Variants in LRRTM4 observed in about 807,000 individuals in gnomAD.
LRRTM4 encodes the protein leucine rich repeat transmembrane neuronal 4.
In LRRTM4, 25 loss-of-function variants were observed where a neutral mutation model predicts 47.6. The observed-to-expected ratio is 0.53, with a 90% confidence interval of 0.38 to 0.73. The LOEUF (loss-of-function observed/expected upper bound fraction) is 0.73. LRRTM4 is among the 30% of genes least tolerant of loss of function. The probability of loss-of-function intolerance (pLI) is 0.00; values close to 1 mark genes in which losing one functional copy is unlikely to be tolerated. For missense variants in LRRTM4, 638 were observed against 713.4 expected, an observed-to-expected ratio of 0.89 and a Z score of 1.20; for synonymous variants, 311 against 269.5, an observed-to-expected ratio of 1.15 and a Z score of -1.51.
chr2:77,504,048 T>A (rs565116168), intron 3 of LRRTM4, among the ~76,000 whole-genome samples: 2 of 151,658 alleles, frequency 1.3e-5, no homozygotes, highest in South Asian at 4.1e-4. Flanking sequence ...GGAAGTATAA[T>A]ACAGAGCAGT....
intron 3 of LRRTM4, among the ~76,000 whole-genome samples, chr2:76,841,663 A>AG (rs1671686584): frequency 6.7e-6 from 1 of 148,350 alleles, no homozygotes; most frequent in Non-Finnish European, 1.5e-5. Context: ...GGTAACCTGG[A>AG]GAAAAAAAAA....
intron 3 of LRRTM4, among the ~76,000 whole-genome samples, chr2:77,002,491 C>T (rs1273097341): frequency 6.6e-6 from 1 of 152,180 alleles, no homozygotes; most frequent in Admixed American, 6.6e-5. Flanking sequence ...CCTAATCTGA[C>T]ACCATTGTTA....
chr2:76,799,674 G>A (rs200851116), intron 3 of LRRTM4, among the ~76,000 whole-genome samples: 31,334 of 102,568 alleles, frequency 0.31, 6,103 homozygotes, highest in East Asian at 0.53. Context: ...CCCTGTTTGC[G>A]GATGACATGA....
At chr2:76,786,106 ACTTCAG>A (rs1396445283) in intron 3 of LRRTM4, among the ~76,000 whole-genome samples, 8 of 152,130 alleles carry the variant, frequency 5.3e-5, no homozygotes, top group African/African-American at 1.9e-4. Context: ...CCTCACCTCA[ACTTCAG>A]CTTCATCTGG....
chr2:76,931,253 A>G (rs999075404), intron 3 of LRRTM4, among the ~76,000 whole-genome samples: 1 of 152,212 alleles, frequency 6.6e-6, no homozygotes, highest in Non-Finnish European at 1.5e-5. Flanking sequence ...AACAGAAGTG[A>G]TTATTTACAT....
intron 3 of LRRTM4, among the ~76,000 whole-genome samples, chr2:76,800,142 C>T (rs1400079631): frequency 1.4e-5 from 2 of 148,114 alleles, no homozygotes; most frequent in African/African-American, 2.5e-5. Context: ...CCCGCATCGC[C>T]AAGTCAATCC....
chr2:76,869,074 G>A (rs764187743), intron 3 of LRRTM4, among the ~76,000 whole-genome samples: 3 of 152,114 alleles, frequency 2.0e-5, no homozygotes, highest in Non-Finnish European at 2.9e-5. Flanking sequence ...ACTTTGGGAG[G>A]CCGAGGTGAG....
intron 3 of LRRTM4, among the ~76,000 whole-genome samples, chr2:77,184,208 A>T (rs1173783895): frequency 6.6e-6 from 1 of 152,142 alleles, no homozygotes. Context: ...AAATATATGA[A>T]AACATATTAA....
intron 3 of LRRTM4, among the ~76,000 whole-genome samples, chr2:77,094,403 T>C (rs942578805): frequency 1.4e-4 from 21 of 152,042 alleles, no homozygotes; most frequent in Non-Finnish European, 2.6e-4. Flanking sequence ...AATTCTAGTA[T>C]TTTTTTAGAG....
At chr2:77,413,343 C>G (rs6752996) in intron 3 of LRRTM4, among the ~76,000 whole-genome samples, 5,783 of 152,158 alleles carry the variant, frequency 0.038, 265 homozygotes, top group African/African-American at 0.12. Flanking sequence ...CTCTGAGTGT[C>G]GGTTTCATCA....
chr2:77,162,461 T>C (rs1046554417), intron 3 of LRRTM4, among the ~76,000 whole-genome samples: 1 of 152,092 alleles, frequency 6.6e-6, no homozygotes, highest in Non-Finnish European at 1.5e-5. Flanking sequence ...TCTGACAGCT[T>C]TGAAGAGAGT....
intron 3 of LRRTM4, among the ~76,000 whole-genome samples, chr2:77,060,827 A>G (rs1679762434): frequency 6.6e-6 from 1 of 152,158 alleles, no homozygotes; most frequent in Non-Finnish European, 1.5e-5. Context: ...TTTGAGGGCA[A>G]GGTAGAAAAA....
chr2:77,478,935 C>A (rs111824096), intron 3 of LRRTM4, among the ~76,000 whole-genome samples: 8 of 152,118 alleles, frequency 5.3e-5, no homozygotes, highest in African/African-American at 1.7e-4. Flanking sequence ...CACTCTCTTG[C>A]CCAGGTTGGA....
At chr2:76,789,477 G>A (rs191445452) in intron 3 of LRRTM4, among the ~76,000 whole-genome samples, 1 of 152,254 alleles carries the variant, frequency 6.6e-6, no homozygotes, top group Admixed American at 6.5e-5. Flanking sequence ...GAGGGCTTCT[G>A]GCTTGATAAA....
intron 3 of LRRTM4, among the ~76,000 whole-genome samples, chr2:77,147,314 T>A (rs1212652067): frequency 6.6e-6 from 1 of 152,132 alleles, no homozygotes; most frequent in East Asian, 1.9e-4. Flanking sequence ...CATGAGTGTA[T>A]CAAATGTAAT....
At chr2:77,107,386 G>A (rs1158210331) in intron 3 of LRRTM4, among the ~76,000 whole-genome samples, 1 of 152,108 alleles carries the variant, frequency 6.6e-6, no homozygotes, top group Non-Finnish European at 1.5e-5. Flanking sequence ...CTTTTATATG[G>A]TAAAAGAAGA....
At chr2:77,149,522 A>G (rs1672360336) in intron 3 of LRRTM4, among the ~76,000 whole-genome samples, 1 of 152,144 alleles carries the variant, frequency 6.6e-6, no homozygotes, top group Non-Finnish European at 1.5e-5. Flanking sequence ...AGTGTGTCCT[A>G]TTGTGGATGC....
At chr2:76,828,856 T>C (rs963093585) in intron 3 of LRRTM4, among the ~76,000 whole-genome samples, 4 of 152,084 alleles carry the variant, frequency 2.6e-5, no homozygotes, top group East Asian at 1.9e-4. Context: ...GCCATTCCCA[T>C]CTTTAATCCT....
chr2:77,105,523 G>A (rs537371048), intron 3 of LRRTM4, among the ~76,000 whole-genome samples: 1 of 123,534 alleles, frequency 8.1e-6, no homozygotes, highest in African/African-American at 3.0e-5. Context: ...GTGGGGGGAG[G>A]GGGGAGGGAT....
Sources: gnomAD v4.1 joint callset for allele counts (sites outside exome capture counted in the v4.1 genomes callset) on GRCh38, gnomAD v4.1.1 for gene constraint, MANE v1.5 for transcripts, NCBI Gene and HGNC (gene_info 2026-07-23, HGNC 2026-07-21) for gene names.